ALDH4A1: variants seen among roughly 807,000 people sequenced by gnomAD.
The protein encoded by ALDH4A1 is aldehyde dehydrogenase 4 family member A1.
ALDH4A1 carries 46 observed loss-of-function variants against 70.5 expected under a neutral mutation model. The ratio of observed to expected loss-of-function variants is 0.65; its 90% CI spans 0.51 to 0.83. ALDH4A1 has a LOEUF of 0.83. Ranked by LOEUF, ALDH4A1 falls within the 40% of genes least tolerant of loss-of-function variation. The pLI is 0.00. For missense variants in ALDH4A1, 749 were observed against 766.5 expected (o/e 0.98, Z 0.27); for synonymous variants, 323 against 324.3 (o/e 1.00, Z 0.04).
chr1:18,872,890 C>T lies in ALDH4A1; in HGVS notation c.1647G>A (p.Glu549=). 1.9e-6 allele frequency: 3 copies of T among 1,614,118 alleles called. No individual in the cohort carries two copies. Among genetic ancestry groups the T allele is most frequent in the Non-Finnish European group, 8.5e-7 (1 of 1,180,036 alleles). ...TCCAGTCCCCCAGGGGCTTATGTGT[C>T]TCCTTGATGACCTGCGGCGACGTCC... The part of the protein sequence containing the change: ...LRWTSPQVIK[E]THKPLGDWSY... The change falls in exon 15 of 15, where the codon GAG becomes GAA. Residue 549 remains glutamate (E), a synonymous_variant. Coordinates refer to ENST00000375341, the MANE Select transcript of ALDH4A1 (RefSeq NM_003748.4).
rs377587520 is a variant in ALDH4A1 at position 18,874,575 on chromosome 1, G to A, written c.1467C>T (p.Val489=). Reference sequence around the variant, plus strand: ...TCAGCACCTTTGTGGCCTCCTGCACGACGTCCCTACAAAGCAGAGCAGTGG... The same window carrying A: ...TCAGCACCTTTGTGGCCTCCTGCACAACGTCCCTACAAAGCAGAGCAGTGG... ...TGAVFSQDKD[V]VQEATKVLRN... is the part of the protein sequence containing the mutation. The change falls in exon 14 of 15, where the codon GTC becomes GTT. Residue 489 remains valine, a synonymous_variant. Coordinates refer to ENST00000375341, the MANE Select transcript of ALDH4A1 (RefSeq NM_003748.4). 30 of 1,614,030 alleles carry A rather than the reference G, an allele frequency of 1.9e-5. No individual in the cohort carries two copies. Among genetic ancestry groups the A allele is most frequent in the Non-Finnish European group, 2.3e-5 (27 of 1,180,022 alleles).
At chr1:18,893,174 G>T (rs1406207629) in intron 1 of ALDH4A1, among the ~76,000 whole-genome samples, 1 of 152,216 alleles carries the variant, frequency 6.6e-6, no homozygotes, top group East Asian at 1.9e-4. Flanking sequence ...ACAGGCCCCA[G>T]AAGTGGACAA....
intron 1 of ALDH4A1, among the ~76,000 whole-genome samples, chr1:18,895,554 A>T (rs149611911): frequency 6.6e-6 from 1 of 152,252 alleles, no homozygotes; most frequent in East Asian, 1.9e-4. Context: ...AAGTACTGAG[A>T]TATGATCTAC....
chr1:18,888,660 A>C (rs1466789491), intron 3 of ALDH4A1, among the ~76,000 whole-genome samples: 1 of 151,744 alleles, frequency 6.6e-6, no homozygotes, highest in Admixed American at 6.5e-5. Context: ...CTGCACACAC[A>C]CCCAGTGACA....
At chr1:18,893,828 A>C (rs1935526855) in intron 1 of ALDH4A1, among the ~76,000 whole-genome samples, 1 of 152,164 alleles carries the variant, frequency 6.6e-6, no homozygotes, top group Non-Finnish European at 1.5e-5. Context: ...TTTTAATATA[A>C]ATTTTTGGTA....
At chr1:18,895,236 A>G (rs925528383) in intron 1 of ALDH4A1, among the ~76,000 whole-genome samples, 1 of 152,188 alleles carries the variant, frequency 6.6e-6, no homozygotes, top group East Asian at 1.9e-4. Flanking sequence ...GCGGCACAAG[A>G]CAGAGTCTGA....
intron 1 of ALDH4A1, 120 bp from the exon 2 acceptor site, chr1:18,890,225 G>A (rs1935384439): frequency 6.0e-6 from 5 of 828,102 alleles, no homozygotes; most frequent in Non-Finnish European, 7.8e-6. Flanking sequence ...GAAATCCAAT[G>A]CAACTAGAAA....
rs1361665691 is a variant in ALDH4A1 at position 18,872,027 on chromosome 1, G to A, written c.*818C>T. ...GCTGAGCTCCTGCAGGGAAATCCCA[G>A]ACCCTGAGACTGGCTCTAGGAGTGG... On this transcript the variant is annotated 3_prime_UTR_variant, in exon 15 of 15. Coordinates refer to ENST00000375341, the MANE Select transcript of ALDH4A1 (RefSeq NM_003748.4). The A allele has an allele frequency of 2.6e-5, 4 of 152,518 alleles. No individual in the cohort carries two copies. The highest frequency in any genetic ancestry group is 1.3e-4 in the Admixed American group (2 of 15,312). The allele number at this position is 152,518 out of a possible 1,614,324, so 9.4% of individuals were successfully genotyped here.
Position 18,881,875 on chromosome 1 carries a change from G to A in ALDH4A1, c.691C>T (p.Leu231=). 13 of 1,613,512 alleles carry A rather than the reference G, an allele frequency of 8.1e-6. No individual in the cohort carries two copies. The highest frequency in any genetic ancestry group is 1.1e-5 in the Non-Finnish European group (13 of 1,180,032). Residue 231 remains leucine (L), a synonymous_variant, in exon 8 of 15, where the codon CTA becomes TTA. Coordinates refer to ENST00000375341, the MANE Select transcript of ALDH4A1 (RefSeq NM_003748.4). ...ATGGCAGTGTCACTGGGCTTCCATA[G>A]GACCACGTTGCCCTGCCCGGGAGGT... ...GAPALMGNVV[L]WKPSDTAMLA...
At chr1:18,895,781 C>A (rs1935596539) in intron 1 of ALDH4A1, among the ~76,000 whole-genome samples, 1 of 152,200 alleles carries the variant, frequency 6.6e-6, no homozygotes, top group Non-Finnish European at 1.5e-5. Context: ...GACACCTCGT[C>A]CGAGGTACTA....
chr1:18,884,688 T>C (rs749932299), intron 5 of ALDH4A1, among the ~76,000 whole-genome samples: 2 of 152,162 alleles, frequency 1.3e-5, no homozygotes, highest in African/African-American at 2.4e-5. Flanking sequence ...AAAGGGGCAG[T>C]ACCTAGGAAC....
intron 14 of ALDH4A1, among the ~76,000 whole-genome samples, chr1:18,874,239 G>A (rs139961612): frequency 3.7e-4 from 56 of 152,334 alleles, no homozygotes; most frequent in African/African-American, 1.2e-3. Flanking sequence ...ATCCCACCAG[G>A]GTCATGTGGC....
chr1:18,874,714 T>G (rs1260265651), intron 13 of ALDH4A1, 133 bp from the exon 14 acceptor site: 2 of 838,920 alleles, frequency 2.4e-6, no homozygotes, highest in African/African-American at 2.0e-5. Context: ...GGATGAGGGA[T>G]GCTGCCAGCT....
At position 18,874,479 on chromosome 1, in the gene ALDH4A1, C is replaced by T; in HGVS notation, c.1563G>A (p.Gly521=). 3.1e-6 allele frequency: 5 copies of T among 1,614,096 alleles called. No homozygotes were observed. Among genetic ancestry groups the T allele is most frequent in the Non-Finnish European group, 4.2e-6 (5 of 1,180,024 alleles). Residue 521 remains glycine (G), a synonymous_variant, in exon 14 of 15, where the codon GGG becomes GGA. Coordinates refer to ENST00000375341, the MANE Select transcript of ALDH4A1 (RefSeq NM_003748.4). ...CCCACTCACCAGAGGCTCGGGCCCCCCCAAAGGGCTGCTGGCCCACTATCG... is the reference window on the plus strand; with the variant it reads ...CCCACTCACCAGAGGCTCGGGCCCCTCCAAAGGGCTGCTGGCCCACTATCG... ...TGSIVGQQPF[G]GARASGTNDK... is the part of the protein sequence containing the mutation.
chr1:18,876,380 C>A lies in ALDH4A1; in HGVS notation c.1273G>T (p.Val425Leu). ...ILAGGKCDDS[V>L]GYFVEPCIVE... ...ATGCAGGGCTCCACAAAGTAGCCCACGGAGTCATCACACTTGCCCCCGGCC... is the reference window on the plus strand; with the variant it reads ...ATGCAGGGCTCCACAAAGTAGCCCAAGGAGTCATCACACTTGCCCCCGGCC... Residue 425 changes from valine (V) to leucine (L), a missense_variant, in exon 12 of 15, where the codon GTG becomes TTG. Physicochemically the swap from Val to Leu is conservative, Grantham distance 32. Transcript: ENST00000375341. The A allele has an allele frequency of 6.2e-7, 1 of 1,613,770 alleles. No individual in the cohort carries two copies. Among genetic ancestry groups the A allele is most frequent in the South Asian group, 1.1e-5 (1 of 91,070 alleles).
chr1:18,896,927 G>A (rs1935637433), intron 1 of ALDH4A1: 1 of 353,814 alleles, frequency 2.8e-6, no homozygotes, highest in Non-Finnish European at 5.9e-6. Flanking sequence ...CCCAATGCCA[G>A]GGATGAGCTG....
At chr1:18,900,687 T>C (rs972008125) in intron 1 of ALDH4A1, among the ~76,000 whole-genome samples, 4 of 152,234 alleles carry the variant, frequency 2.6e-5, no homozygotes, top group Admixed American at 6.5e-5. Context: ...TGCGGCCAGC[T>C]GCTGTATCAA....
At position 18,875,397 on chromosome 1, in the gene ALDH4A1, A is replaced by C. The variant is rs1295169523; in HGVS notation, c.1445T>G (p.Val482Gly). ...STTSYGLTGA[V>G]FSQDKDVVQE... ...GGCCACTCACTTATCCTGGGAGAAC[A>C]CTGCCCCCGTGAGGCCATAGCTGGT... The change falls in exon 13 of 15, where the codon GTG (valine) becomes GGG (glycine). Residue 482 changes from valine (V) to glycine (G), a missense_variant. By Grantham distance (109) the Val-to-Gly change is moderately radical (BLOSUM62 -3). Transcript: ENST00000375341. The C allele has an allele frequency of 6.2e-7, 1 of 1,614,128 alleles. No homozygotes were observed. Among genetic ancestry groups the C allele is most frequent in the Admixed American group, 1.7e-5 (1 of 60,022 alleles).
At chr1:18,886,042 G>A (rs748347843) in intron 4 of ALDH4A1, among the ~76,000 whole-genome samples, 7 of 152,014 alleles carry the variant, frequency 4.6e-5, no homozygotes, top group African/African-American at 1.7e-4. Context: ...TGCCCTCATC[G>A]CCACACAATG....
Sources: gnomAD v4.1 joint callset for allele counts (sites outside exome capture counted in the v4.1 genomes callset) on GRCh38, gnomAD v4.1.1 for gene constraint, MANE v1.5 for transcripts, NCBI Gene and HGNC (gene_info 2026-07-23, HGNC 2026-07-21) for gene names.